OR9Q1: variants seen among roughly 807,000 people sequenced by gnomAD.
OR9Q1 encodes olfactory receptor 9Q1.
For synonymous variants in OR9Q1, 153 were observed against 148.6 expected (o/e 1.03, Z -0.22); for missense variants, 374 against 378.8 (o/e 0.99, Z 0.11).
intron 2 of OR9Q1, among the ~76,000 whole-genome samples, chr11:58,128,393 G>C (rs1590606067): frequency 6.6e-6 from 1 of 151,980 alleles, no homozygotes; most frequent in East Asian, 1.9e-4. Context: ...AAATGGCAAA[G>C]CTGAGAAACA....
intron 2 of OR9Q1, among the ~76,000 whole-genome samples, chr11:58,106,554 A>T (rs1479936732): frequency 6.6e-6 from 1 of 152,002 alleles, no homozygotes; most frequent in African/African-American, 2.4e-5. Flanking sequence ...TGGTGTCATT[A>T]TCTATGAAAT....
chr11:58,035,333 C>T (rs1714711164), intron 1 of OR9Q1, among the ~76,000 whole-genome samples: 1 of 152,120 alleles, frequency 6.6e-6, no homozygotes, highest in Admixed American at 6.5e-5. Context: ...AGAATAAAAG[C>T]TGATTTTTCA....
chr11:58,036,579 C>A (rs1853102793), intron 1 of OR9Q1, among the ~76,000 whole-genome samples: 1 of 152,150 alleles, frequency 6.6e-6, no homozygotes, highest in Non-Finnish European at 1.5e-5. Flanking sequence ...ATTCTAGGTG[C>A]CATTAAGAGC....
chr11:58,177,903 A>C (rs2119970504), intron 2 of OR9Q1, among the ~76,000 whole-genome samples: 1 of 152,272 alleles, frequency 6.6e-6, no homozygotes, highest in African/African-American at 2.4e-5. Context: ...TCCTGTAGAA[A>C]GTGCGATCTG....
intron 2 of OR9Q1, among the ~76,000 whole-genome samples, chr11:58,167,753 T>C (rs1854518867): frequency 6.6e-6 from 1 of 152,178 alleles, no homozygotes; most frequent in Admixed American, 6.5e-5. Flanking sequence ...ATGTGGTGTC[T>C]CATCCTCCAA....
At chr11:58,066,989 A>G (rs1192910751) in intron 2 of OR9Q1, among the ~76,000 whole-genome samples, 2 of 150,158 alleles carry the variant, frequency 1.3e-5, no homozygotes, top group African/African-American at 4.9e-5. Context: ...AGGCTAAGGG[A>G]GGGCTGGCTG....
intron 2 of OR9Q1, among the ~76,000 whole-genome samples, chr11:58,090,132 C>T (rs949241632): frequency 1.3e-5 from 2 of 152,134 alleles, no homozygotes; most frequent in Non-Finnish European, 2.9e-5. Context: ...TTTCAATACC[C>T]CTTATTTCTT....
chr11:58,056,147 CT>C lies in OR9Q1; in HGVS notation c.-15+205del, dbSNP rs751786527. On this transcript the variant is annotated intron_variant, in intron 2 of 2. Coordinates refer to ENST00000335397, the MANE Select transcript of OR9Q1 (RefSeq NM_001005212.4). The stretch of plus-strand genomic sequence containing the variant: ...TGGCTCTCTAAGAAAGGAAGCCAGT[CT>C]TTTTGGTGTTTGCTGATTTCCCTGG... 9.8e-5 allele frequency among the ~76,000 whole-genome samples: 15 copies of C among 152,288 alleles called. No homozygotes were observed. The East Asian group carries it at 1.7e-3, about 18-fold the overall frequency.
chr11:58,167,640 C>T (rs1249006443), intron 2 of OR9Q1, among the ~76,000 whole-genome samples: 6 of 152,108 alleles, frequency 3.9e-5, no homozygotes, highest in Non-Finnish European at 5.9e-5. Context: ...CATGCATCTA[C>T]GGTCAATTGT....
chr11:58,088,897 A>G (rs370379644), intron 2 of OR9Q1, among the ~76,000 whole-genome samples: 3 of 150,820 alleles, frequency 2.0e-5, no homozygotes, highest in South Asian at 4.2e-4. Flanking sequence ...TGTTTTTGAG[A>G]CGGAGTTTCG....
intron 2 of OR9Q1, among the ~76,000 whole-genome samples, chr11:58,124,001 T>C (rs1854063279): frequency 6.6e-6 from 1 of 152,202 alleles, no homozygotes; most frequent in Admixed American, 6.5e-5. Flanking sequence ...AAAATGAGAA[T>C]ATAGTAACGA....
intron 1 of OR9Q1, among the ~76,000 whole-genome samples, chr11:58,039,659 C>T (rs1220737271): frequency 1.3e-5 from 2 of 152,178 alleles, no homozygotes; most frequent in Non-Finnish European, 2.9e-5. Context: ...CTCATTTACT[C>T]CAAGGCAAGC....
chr11:58,143,498 G>A (rs773960656), intron 2 of OR9Q1, among the ~76,000 whole-genome samples: 11 of 152,164 alleles, frequency 7.2e-5, no homozygotes, highest in Non-Finnish European at 1.6e-4. Flanking sequence ...TCTAACCTAG[G>A]CTTTGCCTAT....
At chr11:58,091,370 C>G (rs749431991) in intron 2 of OR9Q1, among the ~76,000 whole-genome samples, 1 of 152,104 alleles carries the variant, frequency 6.6e-6, no homozygotes, top group Non-Finnish European at 1.5e-5. Context: ...TCTCAAAGAA[C>G]TTATTTGTTT....
At chr11:58,054,661 T>A (rs993154333) in intron 1 of OR9Q1, among the ~76,000 whole-genome samples, 2 of 152,210 alleles carry the variant, frequency 1.3e-5, no homozygotes, top group Admixed American at 1.3e-4. Context: ...AGGCCAGGTG[T>A]GGCGGCTCAT....
chr11:58,119,729 G>T (rs1438991449), intron 2 of OR9Q1, among the ~76,000 whole-genome samples: 3 of 152,154 alleles, frequency 2.0e-5, no homozygotes, highest in African/African-American at 7.2e-5. Context: ...GTTTGGAAGA[G>T]ACCTAGACAG....
chr11:58,047,520 A>G (rs1012557830), intron 1 of OR9Q1: 1 of 152,122 alleles, frequency 6.6e-6, no homozygotes, highest in African/African-American at 2.4e-5. Flanking sequence ...TTGGTGGTGA[A>G]GTTAACCTTT....
chr11:58,090,762 C>T (rs1209701740), intron 2 of OR9Q1, among the ~76,000 whole-genome samples: 1 of 152,080 alleles, frequency 6.6e-6, no homozygotes, highest in African/African-American at 2.4e-5. Context: ...GTTGTGAATC[C>T]ATCTGGTCCT....
At chr11:58,164,467 A>G (rs1318388113) in intron 2 of OR9Q1, among the ~76,000 whole-genome samples, 1 of 152,174 alleles carries the variant, frequency 6.6e-6, no homozygotes, top group East Asian at 1.9e-4. Flanking sequence ...TCAGTGAAAG[A>G]GCAGGGGTCA....
Sources: allele counts gnomAD v4.1 joint callset (sites outside exome capture counted in the v4.1 genomes callset), GRCh38; gene constraint gnomAD v4.1.1; transcripts MANE v1.5; gene names NCBI Gene and HGNC (gene_info 2026-07-23, HGNC 2026-07-21).